Variants in USH2A observed in about 807,000 individuals in gnomAD.
USH2A encodes usherin.
In USH2A, 443 loss-of-function variants were observed where a neutral mutation model predicts 538.9. That is an observed-to-expected ratio of 0.82 (90% CI 0.76 to 0.89). The LOEUF (loss-of-function observed/expected upper bound fraction) is 0.89. USH2A is among the 40% of genes least tolerant of loss of function. The pLI, the probability that USH2A is intolerant of heterozygous loss-of-function variation, is 0.00. For missense variants in USH2A, 6,633 were observed against 6,324.8 expected (o/e 1.05, Z -1.65); for synonymous variants, 2,413 against 2,273.5 (o/e 1.06, Z -1.75).
chr1:216,376,173 T>A (rs1279865548), intron 3 of USH2A, among the ~76,000 whole-genome samples: 2 of 152,040 alleles, frequency 1.3e-5, no homozygotes, highest in Non-Finnish European at 2.9e-5. Context: ...ATATATGACA[T>A]GTTTGCCTGA....
chr1:215,770,947 A>G (rs1261496301), intron 55 of USH2A, among the ~76,000 whole-genome samples: 131 of 149,350 alleles, frequency 8.8e-4, no homozygotes, highest in African/African-American at 3.2e-3. Flanking sequence ...TCTACTAAAA[A>G]AAAAAAAAAA....
At chr1:215,878,395 A>G (rs957411595) in intron 42 of USH2A, among the ~76,000 whole-genome samples, 5 of 152,200 alleles carry the variant, frequency 3.3e-5, no homozygotes, top group African/African-American at 1.2e-4. Context: ...AACATGCCAA[A>G]GAATTACTGT....
chr1:216,247,514 T>C lies in USH2A; in HGVS notation c.2168-288A>G, dbSNP rs562365893. Among the ~76,000 whole-genome samples, 13 of 152,324 alleles carry C rather than the reference T, an allele frequency of 8.5e-5. No individual in the cohort carries two copies. The East Asian group carries it at 2.5e-3, about 29-fold the overall frequency. On this transcript the variant is annotated intron_variant, in intron 12 of 71. Coordinates refer to ENST00000307340, the MANE Select transcript of USH2A (RefSeq NM_206933.4). ...TTCTGTTACATATGCTGGAGCTCTT[T>C]TTCTCTTTAACAAATCTTAAAAACT...
In USH2A at chr1:215,786,894, T is replaced by G. The variant is rs938186162; in HGVS notation, c.10183-20A>C. The G allele has an allele frequency of 2.1e-5, 34 of 1,611,610 alleles. No homozygotes were observed. The African/African-American group carries it at 4.3e-4, about 20-fold the overall frequency. On this transcript the variant is annotated intron_variant, in intron 51 of 71. Transcript: ENST00000307340. Reference sequence around the variant, plus strand: ...GGTTTCCTGAGTCAAGTGGCAGGGGTGAGAGAGAGAGGGGTATTTAAAAAT... The same window carrying G: ...GGTTTCCTGAGTCAAGTGGCAGGGGGGAGAGAGAGAGGGGTATTTAAAAAT...
At chr1:215,721,299 G>A (rs1327522494) in intron 61 of USH2A, among the ~76,000 whole-genome samples, 11 of 152,174 alleles carry the variant, frequency 7.2e-5, no homozygotes, top group East Asian at 5.8e-4. Flanking sequence ...GGTCTCGAAC[G>A]CCTGACCTCA....
At chr1:215,638,486 G>A (rs1656569035) in intron 69 of USH2A, among the ~76,000 whole-genome samples, 1 of 152,034 alleles carries the variant, frequency 6.6e-6, no homozygotes. Flanking sequence ...CAGGCGTGGT[G>A]ACATACACTT....
At chr1:216,378,694 C>A (rs1347748982) in intron 3 of USH2A, among the ~76,000 whole-genome samples, 1 of 151,366 alleles carries the variant, frequency 6.6e-6, no homozygotes, top group Non-Finnish European at 1.5e-5. Flanking sequence ...TTTTTTTCTT[C>A]CCTCACCCAC....
intron 60 of USH2A, among the ~76,000 whole-genome samples, chr1:215,734,685 A>G (rs1360246776): frequency 6.6e-6 from 1 of 152,132 alleles, no homozygotes; most frequent in Non-Finnish European, 1.5e-5. Flanking sequence ...AATTTCTTCC[A>G]CCAGTACCCT....
intron 37 of USH2A, among the ~76,000 whole-genome samples, chr1:215,949,284 T>C (rs1437760452): frequency 6.6e-6 from 1 of 152,020 alleles, no homozygotes; most frequent in South Asian, 2.1e-4. Context: ...TTAATGGAGA[T>C]ACAAGCTGCT....
chr1:215,625,994 C>T (rs1656010934), intron 71 of USH2A, 124 bp from the exon 72 acceptor site: 1 of 940,550 alleles, frequency 1.1e-6, no homozygotes, highest in Non-Finnish European at 1.7e-6. Context: ...ATTCTCAACA[C>T]CATGGTGGGG....
intron 32 of USH2A, among the ~76,000 whole-genome samples, chr1:216,012,156 A>G (rs977059391): frequency 5.3e-5 from 7 of 132,570 alleles, no homozygotes; most frequent in African/African-American, 8.3e-5. Flanking sequence ...TATTGATGGC[A>G]GTTCCACCAG....
intron 56 of USH2A, among the ~76,000 whole-genome samples, chr1:215,764,883 G>T (rs2102746672): frequency 6.6e-6 from 1 of 151,510 alleles, no homozygotes; most frequent in Admixed American, 6.6e-5. Flanking sequence ...GCCAGAAAAT[G>T]GCCCTAAATC....
intron 3 of USH2A, among the ~76,000 whole-genome samples, chr1:216,385,748 T>C (rs890122143): frequency 4.6e-5 from 7 of 152,220 alleles, no homozygotes; most frequent in African/African-American, 1.7e-4. Context: ...GACAGTAAAA[T>C]TCCTTCAGGG....
In USH2A at chr1:215,626,742, T is replaced by G. The variant is rs1656039085; in HGVS notation, c.15520-872A>C. Among the ~76,000 whole-genome samples the G allele has an allele frequency of 1.3e-5, 2 of 152,300 alleles. 1 individual carries two copies. The highest frequency in any genetic ancestry group is 4.1e-4 in the South Asian group (2 of 4,828). On this transcript the variant is annotated intron_variant, in intron 71 of 71. Coordinates refer to ENST00000307340, the MANE Select transcript of USH2A (RefSeq NM_206933.4). ...TAAGAACCCAAACCCATAAAAATAA[T>G]TGCTAGCTGTGTAATCTCTCATTAA...
chr1:216,288,904 T>C (rs1309662270), intron 11 of USH2A, among the ~76,000 whole-genome samples: 1 of 152,202 alleles, frequency 6.6e-6, no homozygotes, highest in Non-Finnish European at 1.5e-5. Flanking sequence ...TAAGTGTAAG[T>C]GACTTTTGCT....
intron 40 of USH2A, among the ~76,000 whole-genome samples, chr1:215,890,672 C>T (rs150351824): frequency 9.8e-5 from 15 of 152,288 alleles, no homozygotes; most frequent in Middle Eastern, 3.4e-3. Context: ...CCATTTCTTA[C>T]TTTTGCTCTC....
chr1:215,805,246 G>A (rs1662466053), intron 49 of USH2A, among the ~76,000 whole-genome samples: 1 of 151,666 alleles, frequency 6.6e-6, no homozygotes, highest in African/African-American at 2.4e-5. Flanking sequence ...TAACTAACCT[G>A]CACGTTGTGC....
rs3820464 is a variant in USH2A, at chr1:216,325,519, C to T, written c.929G>A (p.Arg310Gln). ...GTACCGCTGTGCCAAAGGGTGGACCCGCGGGTGGCTGCCAGGGCAACGGCA... is the reference window on the plus strand; with the variant it reads ...GTACCGCTGTGCCAAAGGGTGGACCTGCGGGTGGCTGCCAGGGCAACGGCA... ...SHCRCPGSHP[R>Q]VHPLAQRYCI... Residue 310 changes from arginine to glutamine, a missense_variant, in exon 6 of 72, where the codon CGG (arginine) becomes CAG (glutamine). Transcript: ENST00000307340. The T allele has an allele frequency of 3.1e-6, 5 of 1,613,606 alleles. No individual in the cohort carries two copies. Among genetic ancestry groups the T allele is most frequent in the African/African-American group, 1.3e-5 (1 of 74,978 alleles).
At chr1:215,784,373 A>C (rs889524565) in intron 52 of USH2A, among the ~76,000 whole-genome samples, 2 of 152,182 alleles carry the variant, frequency 1.3e-5, no homozygotes, top group Non-Finnish European at 2.9e-5. Flanking sequence ...AATATGTTTT[A>C]CATTTCTGCT....
Sources: allele counts gnomAD v4.1 joint callset (sites outside exome capture counted in the v4.1 genomes callset), GRCh38; gene constraint gnomAD v4.1.1; transcripts MANE v1.5; gene names NCBI Gene and HGNC (gene_info 2026-07-23, HGNC 2026-07-21).